The following ESRRG variants were observed in gnomAD, a reference collection of about 807,000 sequenced individuals.
The protein encoded by ESRRG is estrogen-related receptor gamma.
Under a neutral mutation model 44.0 loss-of-function variants are expected in ESRRG, and 13 were observed. That is an observed-to-expected ratio of 0.30 (90% CI 0.19 to 0.47). The LOEUF is 0.47. ESRRG is among the 20% of genes least tolerant of loss of function. ESRRG has a pLI of 1.00. For synonymous variants in ESRRG, 215 were observed against 214.6 expected, an observed-to-expected ratio of 1.00 and a Z score of -0.02; for missense variants, 395 against 580.6, an observed-to-expected ratio of 0.68 and a Z score of 3.29.
chr1:216,740,589 GA>G (rs1553560311), intron 2 of ESRRG, among the ~76,000 whole-genome samples: 2 of 150,888 alleles, frequency 1.3e-5, no homozygotes, highest in Non-Finnish European at 2.9e-5. Context: ...AATTTTGGAC[GA>G]GAGAGATTTC....
At chr1:217,005,146 G>T (rs2077556753) in intron 1 of ESRRG, among the ~76,000 whole-genome samples, 1 of 152,236 alleles carries the variant, frequency 6.6e-6, no homozygotes, top group East Asian at 1.9e-4. Context: ...TGTGTATATT[G>T]TGATTTTATG....
intron 2 of ESRRG, among the ~76,000 whole-genome samples, chr1:216,939,364 A>AAAAAAAAAAAAAC (rs1553720877): frequency 1.6e-4 from 22 of 133,778 alleles, no homozygotes; most frequent in African/African-American, 5.9e-4. Flanking sequence ...AAAAAAAAAA[A>AAAAAAAAAAAAAC]AAAAAACACT....
At chr1:216,838,432 A>C (rs915216958) in intron 2 of ESRRG, among the ~76,000 whole-genome samples, 1 of 152,120 alleles carries the variant, frequency 6.6e-6, no homozygotes, top group East Asian at 1.9e-4. Flanking sequence ...TGAAACAGTG[A>C]CACTCCCTTT....
intron 2 of ESRRG, among the ~76,000 whole-genome samples, chr1:216,924,890 A>G (rs2062323967): frequency 6.6e-6 from 1 of 152,128 alleles, no homozygotes; most frequent in African/African-American, 2.4e-5. Flanking sequence ...GACTTACTCC[A>G]TAGATAATAA....
chr1:216,658,543 C>T (rs1438490860), intron 2 of ESRRG, among the ~76,000 whole-genome samples: 2 of 151,778 alleles, frequency 1.3e-5, no homozygotes, highest in South Asian at 2.1e-4. Context: ...AGAAAGAGGC[C>T]AGGCACTGTG....
intron 2 of ESRRG, among the ~76,000 whole-genome samples, chr1:216,876,265 A>C (rs1387903038): frequency 6.6e-6 from 1 of 152,208 alleles, no homozygotes; most frequent in Non-Finnish European, 1.5e-5. Context: ...AATAGATCTT[A>C]AAATGTAAGT....
intron 3 of ESRRG, among the ~76,000 whole-genome samples, chr1:216,610,345 A>G (rs2060475015): frequency 1.3e-5 from 2 of 152,240 alleles, no homozygotes; most frequent in Admixed American, 1.3e-4. Context: ...CAACCAGCTT[A>G]ATCCCTGCCT....
At chr1:216,634,142 A>G (rs2064812083) in intron 3 of ESRRG, among the ~76,000 whole-genome samples, 1 of 152,214 alleles carries the variant, frequency 6.6e-6, no homozygotes, top group Non-Finnish European at 1.5e-5. Flanking sequence ...CGCTCAGCCC[A>G]GTATCTCTGA....
intron 5 of ESRRG, among the ~76,000 whole-genome samples, chr1:216,543,029 G>A (rs1357521136): frequency 2.0e-5 from 3 of 151,972 alleles, no homozygotes; most frequent in East Asian, 1.9e-4. Context: ...AAACACATAC[G>A]TTTCCACTCA....
At chr1:217,032,860 T>C (rs1202638386) in intron 1 of ESRRG, among the ~76,000 whole-genome samples, 3 of 152,210 alleles carry the variant, frequency 2.0e-5, no homozygotes, top group African/African-American at 7.2e-5. Flanking sequence ...GGATGCTCTA[T>C]TGTGCAATAA....
intron 2 of ESRRG, among the ~76,000 whole-genome samples, chr1:216,658,654 C>G (rs1170966439): frequency 9.1e-6 from 1 of 110,134 alleles, no homozygotes; most frequent in African/African-American, 3.5e-5. Context: ...AACCCCATCT[C>G]TACTAAAAAT....
At chr1:216,623,077 CTTTTTTTT>C (rs370657704) in intron 3 of ESRRG, among the ~76,000 whole-genome samples, 5 of 88,660 alleles carry the variant, frequency 5.6e-5, no homozygotes, top group Admixed American at 1.8e-4. Flanking sequence ...AATCATTAAA[CTTTTTTTT>C]TTTTTTTTTT....
At chr1:216,998,223 AAC>A (rs1480000297) in intron 1 of ESRRG, among the ~76,000 whole-genome samples, 1 of 152,238 alleles carries the variant, frequency 6.6e-6, no homozygotes, top group Non-Finnish European at 1.5e-5. Context: ...AGAAACACTA[AAC>A]ACCTAAAATG....
At chr1:216,956,829 G>A (rs185298175) in intron 1 of ESRRG, among the ~76,000 whole-genome samples, 25 of 152,102 alleles carry the variant, frequency 1.6e-4, no homozygotes, top group Middle Eastern at 3.4e-3. Context: ...TGTCACTTGC[G>A]TACCAATATT....
At chr1:217,029,437 C>T (rs1346804736) in intron 1 of ESRRG, among the ~76,000 whole-genome samples, 1 of 152,176 alleles carries the variant, frequency 6.6e-6, no homozygotes, top group Non-Finnish European at 1.5e-5. Flanking sequence ...AGTAGGGAGG[C>T]CCAGGTGAAG....
At chr1:216,508,520 A>G (rs2041828000) in intron 6 of ESRRG, among the ~76,000 whole-genome samples, 1 of 152,218 alleles carries the variant, frequency 6.6e-6, no homozygotes, top group East Asian at 1.9e-4. Flanking sequence ...TAGCATTGAT[A>G]GTGGTTCCCT....
intron 3 of ESRRG, among the ~76,000 whole-genome samples, chr1:216,646,901 A>T (rs944566881): frequency 6.6e-6 from 1 of 152,164 alleles, no homozygotes; most frequent in Non-Finnish European, 1.5e-5. Flanking sequence ...TCTTTTGCTC[A>T]CCTGCAAATG....
chr1:216,684,387 ACTTATC>A (rs1380185194), intron 1 of ESRRG, among the ~76,000 whole-genome samples: 4 of 152,226 alleles, frequency 2.6e-5, no homozygotes, highest in African/African-American at 4.8e-5. Context: ...TAGTAGTGCA[ACTTATC>A]CTTAGCTTGT....
intron 3 of ESRRG, among the ~76,000 whole-genome samples, chr1:216,648,179 C>T (rs111534618): frequency 1.3e-5 from 2 of 152,086 alleles, no homozygotes; most frequent in Admixed American, 1.3e-4. Flanking sequence ...AAGTCTTGAG[C>T]CAAGGAGATG....
Sources: gnomAD v4.1 joint callset for allele counts (sites outside exome capture counted in the v4.1 genomes callset) on GRCh38, gnomAD v4.1.1 for gene constraint, MANE v1.5 for transcripts, NCBI Gene and HGNC (gene_info 2026-07-23, HGNC 2026-07-21) for gene names.